Variants in SMYD3 observed in about 807,000 individuals in gnomAD.
SMYD3 encodes SET and MYND domain containing 3.
A neutral mutation model predicts 57.7 loss-of-function variants in SMYD3; 36 were observed. The observed-to-expected ratio is 0.62, with a 90% CI of 0.48 to 0.82. The LOEUF is 0.82. Ranked by LOEUF, SMYD3 falls within the 40% of genes least tolerant of loss-of-function variation. The probability of loss-of-function intolerance (pLI) is 0.00; values close to 1 mark genes in which losing one functional copy is unlikely to be tolerated. For missense variants in SMYD3, 515 were observed against 538.8 expected (o/e 0.96, Z 0.44); for synonymous variants, 211 against 195.0 (o/e 1.08, Z -0.68).
chr1:246,444,754 A>T (rs1313128043), intron 1 of SMYD3, among the ~76,000 whole-genome samples: 1 of 152,202 alleles, frequency 6.6e-6, no homozygotes, highest in Non-Finnish European at 1.5e-5. Flanking sequence ...CAACTAATCT[A>T]AAAAACAGCT....
At chr1:245,915,134 C>T (rs1282357403) in intron 8 of SMYD3, among the ~76,000 whole-genome samples, 1 of 152,148 alleles carries the variant, frequency 6.6e-6, no homozygotes, top group East Asian at 1.9e-4. Flanking sequence ...TTTTAAAAAA[C>T]ATTTTTAAAG....
intron 11 of SMYD3, among the ~76,000 whole-genome samples, chr1:245,758,059 C>T (rs535840486): frequency 3.3e-5 from 5 of 152,160 alleles, no homozygotes; most frequent in African/African-American, 9.7e-5. Flanking sequence ...AACCTATGAA[C>T]ATGAGATGTC....
chr1:246,133,065 C>T (rs1328738373), intron 5 of SMYD3, among the ~76,000 whole-genome samples: 2 of 151,568 alleles, frequency 1.3e-5, no homozygotes, highest in African/African-American at 2.4e-5. Flanking sequence ...ATAAAAACTA[C>T]AAAAAACAGT....
At chr1:246,086,789 T>C (rs932908856) in intron 5 of SMYD3, among the ~76,000 whole-genome samples, 3 of 152,012 alleles carry the variant, frequency 2.0e-5, no homozygotes, top group African/African-American at 7.3e-5. Flanking sequence ...TGTAGGTAAA[T>C]GTGTGCCATG....
intron 10 of SMYD3, 42 bp from the exon 11 acceptor site, chr1:245,764,191 C>A (rs761579656): frequency 6.6e-6 from 9 of 1,364,416 alleles, no homozygotes; most frequent in Non-Finnish European, 8.4e-6. Flanking sequence ...CAGCCCTCAC[C>A]TTTGCAGTCA....
intron 10 of SMYD3, among the ~76,000 whole-genome samples, chr1:245,852,800 G>C (rs892600253): frequency 3.7e-4 from 57 of 152,238 alleles, no homozygotes; most frequent in African/African-American, 1.3e-3. Flanking sequence ...CTTGGGTCTT[G>C]ACGGACCCTT....
chr1:246,468,650 G>GA (rs1252393491), intron 1 of SMYD3, among the ~76,000 whole-genome samples: 3 of 151,380 alleles, frequency 2.0e-5, no homozygotes, highest in Admixed American at 6.6e-5. Context: ...CCAAAAAAAG[G>GA]AAAAAAAATT....
At position 246,045,626 on chromosome 1, in the gene SMYD3, C is replaced by T. The variant is rs1023515559; in HGVS notation, c.532-115689G>A. On this transcript the variant is annotated intron_variant, in intron 5 of 11. Coordinates refer to ENST00000490107, the MANE Select transcript of SMYD3 (RefSeq NM_001167740.2). The stretch of plus-strand genomic sequence containing the variant: ...CAATGGCAACAAAAGCCAAAATTGA[C>T]AAATGGGATCTAATTAAACTAAAGA... 4.6e-5 allele frequency among the ~76,000 whole-genome samples: 7 copies of T among 152,220 alleles called. 1 individual carries two copies. The South Asian group carries it at 1.5e-3, about 32-fold the overall frequency.
chr1:246,325,945 GA>G (rs1382611901), intron 5 of SMYD3: 1 of 157,390 alleles, frequency 6.4e-6, no homozygotes, highest in Non-Finnish European at 1.4e-5. Context: ...AAATAGATGA[GA>G]AAGTTTTCAG....
chr1:245,829,758 T>C (rs1022464046), intron 10 of SMYD3, among the ~76,000 whole-genome samples: 1 of 152,186 alleles, frequency 6.6e-6, no homozygotes, highest in African/African-American at 2.4e-5. Context: ...ACTTGATAGA[T>C]AAATATGCAA....
intron 5 of SMYD3, among the ~76,000 whole-genome samples, chr1:246,189,997 G>C (rs2062705924): frequency 6.6e-6 from 1 of 152,182 alleles, no homozygotes; most frequent in South Asian, 2.1e-4. Context: ...ATTTGTTTTT[G>C]TGGAGTCTAA....
intron 8 of SMYD3, among the ~76,000 whole-genome samples, chr1:245,898,686 C>CT (rs113958959): frequency 3.3e-5 from 5 of 152,194 alleles, no homozygotes; most frequent in South Asian, 2.1e-4. Flanking sequence ...CTTTGATAGA[C>CT]TGATAGACAT....
At chr1:246,121,784 A>G (rs2061429075) in intron 5 of SMYD3, among the ~76,000 whole-genome samples, 1 of 152,212 alleles carries the variant, frequency 6.6e-6, no homozygotes, top group African/African-American at 2.4e-5. Context: ...CAGTGATGTC[A>G]TTATAGGGAA....
chr1:245,970,099 GGTACCAAAACAGAC>G (rs1239257235), intron 5 of SMYD3, among the ~76,000 whole-genome samples: 2 of 152,142 alleles, frequency 1.3e-5, no homozygotes, highest in South Asian at 4.1e-4. Context: ...GCATGGTACT[GGTACCAAAACAGAC>G]GTATAGACGA....
intron 5 of SMYD3, among the ~76,000 whole-genome samples, chr1:246,171,795 G>C (rs1385948175): frequency 1.3e-5 from 2 of 152,208 alleles, no homozygotes; most frequent in African/African-American, 4.8e-5. Context: ...GGAATTGCTT[G>C]AGGCCGGGAG....
intron 10 of SMYD3, among the ~76,000 whole-genome samples, chr1:245,804,328 G>A (rs557964433): frequency 1.2e-4 from 18 of 152,242 alleles, no homozygotes; most frequent in South Asian, 4.1e-4. Flanking sequence ...CCGGCCGGGC[G>A]CAGTGGCACT....
At chr1:245,804,054 A>T (rs1325471859) in intron 10 of SMYD3, among the ~76,000 whole-genome samples, 1 of 151,426 alleles carries the variant, frequency 6.6e-6, no homozygotes, top group Admixed American at 6.6e-5. Flanking sequence ...CTGGGACCAC[A>T]GGCGCCCACC....
At chr1:245,855,236 G>A (rs923961792) in intron 10 of SMYD3, among the ~76,000 whole-genome samples, 3 of 152,056 alleles carry the variant, frequency 2.0e-5, no homozygotes, top group African/African-American at 7.2e-5. Flanking sequence ...AGTTCCGAAA[G>A]AAAAGTCAAA....
chr1:245,955,987 T>C, intron 5 of SMYD3: 6 of 985,392 alleles, frequency 6.1e-6, no homozygotes, highest in Non-Finnish European at 7.2e-6. Flanking sequence ...GAGGCGCTTA[T>C]GAAGAGAATT....
Sources: gnomAD v4.1 joint callset for allele counts (sites outside exome capture counted in the v4.1 genomes callset) on GRCh38, gnomAD v4.1.1 for gene constraint, MANE v1.5 for transcripts, NCBI Gene and HGNC (gene_info 2026-07-23, HGNC 2026-07-21) for gene names.